NBAS: variants seen among roughly 807,000 people sequenced by gnomAD.
The protein encoded by NBAS is NBAS subunit of NRZ tethering complex, also known as NAG/BC035112 fusion.
A neutral mutation model predicts 302.5 loss-of-function variants in NBAS; 219 were observed. That is an observed-to-expected ratio of 0.72 (90% CI 0.65 to 0.81). The LOEUF (loss-of-function observed/expected upper bound fraction) is 0.81, where lower values mean the gene tolerates loss of function less well. Ranked by LOEUF, NBAS falls within the 30% of genes least tolerant of loss-of-function variation. NBAS has a pLI of 0.00. For synonymous variants in NBAS, 1,118 were observed against 1,021.6 expected (o/e 1.09, Z -1.80); for missense variants, 2,932 against 2,841.6 (o/e 1.03, Z -0.72).
intron 32 of NBAS, among the ~76,000 whole-genome samples, chr2:15,361,850 CA>C (rs1364196644): frequency 6.6e-6 from 1 of 150,966 alleles, no homozygotes; most frequent in East Asian, 2.0e-4. Flanking sequence ...TGTGGTGGCA[CA>C]TGCCTGTAAT....
chr2:15,011,905 A>T, the NBAS span, among the ~76,000 whole-genome samples: 1 of 152,188 alleles, frequency 6.6e-6, no homozygotes, highest in South Asian at 2.1e-4. Context: ...CCCAAGATCC[A>T]TCTATATGAA....
chr2:14,896,523 C>T, the NBAS span, among the ~76,000 whole-genome samples: 37 of 152,172 alleles, frequency 2.4e-4, no homozygotes, highest in Non-Finnish European at 4.3e-4. Flanking sequence ...ATCTGGAAGC[C>T]GATCCTAAGC....
chr2:15,299,650 G>A (rs939956201), intron 40 of NBAS, among the ~76,000 whole-genome samples: 2 of 152,110 alleles, frequency 1.3e-5, no homozygotes, highest in Non-Finnish European at 2.9e-5. Context: ...ACTAAAGGAC[G>A]TTTCCATTTT....
At chr2:14,910,708 T>C in the NBAS span, among the ~76,000 whole-genome samples, 1 of 152,216 alleles carries the variant, frequency 6.6e-6, no homozygotes, top group African/African-American at 2.4e-5. Flanking sequence ...AAGAACTTGA[T>C]TTATAGTGGC....
chr2:14,863,728 C>T, the NBAS span, among the ~76,000 whole-genome samples: 1 of 152,138 alleles, frequency 6.6e-6, no homozygotes. Context: ...TAGTCAGAAA[C>T]GAATTGGCTT....
chr2:14,937,036 C>T, the NBAS span, among the ~76,000 whole-genome samples: 1 of 152,124 alleles, frequency 6.6e-6, no homozygotes, highest in African/African-American at 2.4e-5. Flanking sequence ...AAGAAGCTAC[C>T]AGCTCAAGAC....
chr2:15,067,159 C>CA, the NBAS span, among the ~76,000 whole-genome samples: 226 of 93,316 alleles, frequency 2.4e-3, 10 homozygotes, highest in African/African-American at 7.5e-3. Flanking sequence ...CTTATCTCCA[C>CA]AAAAAAAAAA....
the NBAS span, among the ~76,000 whole-genome samples, chr2:14,878,050 T>C: frequency 6.6e-6 from 1 of 152,138 alleles, no homozygotes; most frequent in African/African-American, 2.4e-5. Context: ...CAGTTCACCA[T>C]GGGTAAAAGC....
chr2:15,067,046 G>A, the NBAS span, among the ~76,000 whole-genome samples: 13 of 151,222 alleles, frequency 8.6e-5, no homozygotes, highest in Non-Finnish European at 1.8e-4. Flanking sequence ...ATCCTGGTCA[G>A]GCATGCAGGT....
At chr2:14,859,923 C>T in the NBAS span, among the ~76,000 whole-genome samples, 11 of 151,946 alleles carry the variant, frequency 7.2e-5, no homozygotes, top group South Asian at 1.5e-3. Flanking sequence ...AATATATGAA[C>T]GGTCCCCATC....
At chr2:15,335,172 C>CT (rs921851866) in intron 35 of NBAS, among the ~76,000 whole-genome samples, 10 of 109,882 alleles carry the variant, frequency 9.1e-5, no homozygotes, top group African/African-American at 3.6e-4. Flanking sequence ...CCTCATCTCT[C>CT]TTAAAAAAAA....
chr2:15,383,303 C>T lies in NBAS; in HGVS notation c.3272G>A (p.Ser1091Asn). The T allele has an allele frequency of 1.2e-6, 2 of 1,613,854 alleles. No individual in the cohort carries two copies. Among genetic ancestry groups the T allele is most frequent in the Non-Finnish European group, 1.7e-6 (2 of 1,179,852 alleles). Residue 1091 changes from serine to asparagine, a missense_variant, in exon 29 of 52, where the codon AGT becomes AAT. Physicochemically the swap from Ser to Asn is conservative, Grantham distance 46. Transcript: ENST00000281513. ...RHTGRKQPPV[S>N]ESHWRTLLQD... ...CAGCAACGTTCTCCAATGAGACTCA[C>T]TGACAGGAGGCTGCCTGGAAAAACA...
intron 12 of NBAS, among the ~76,000 whole-genome samples, chr2:15,478,846 A>G (rs183627935): frequency 6.9e-4 from 105 of 152,328 alleles, no homozygotes; most frequent in African/African-American, 2.4e-3. Flanking sequence ...CTCTTCTTTG[A>G]GAATATAACA....
At chr2:15,527,802 A>T (rs1662991909) in intron 9 of NBAS, among the ~76,000 whole-genome samples, 1 of 152,210 alleles carries the variant, frequency 6.6e-6, no homozygotes, top group Non-Finnish European at 1.5e-5. Flanking sequence ...CTGTGGTACA[A>T]AAACAGTATA....
the NBAS span, among the ~76,000 whole-genome samples, chr2:14,848,905 C>A: frequency 6.7e-6 from 1 of 149,748 alleles, no homozygotes; most frequent in Admixed American, 6.6e-5. Context: ...GAAAGGACAT[C>A]CACACCGAAA....
chr2:15,018,140 G>A, the NBAS span, among the ~76,000 whole-genome samples: 3 of 152,010 alleles, frequency 2.0e-5, no homozygotes, highest in South Asian at 6.2e-4. Context: ...GACTGGGAAG[G>A]GTAGGGGGAA....
chr2:15,024,268 C>T, the NBAS span, among the ~76,000 whole-genome samples: 2 of 140,950 alleles, frequency 1.4e-5, no homozygotes, highest in African/African-American at 5.3e-5. Flanking sequence ...TGATGACCTC[C>T]AGTTCCATCA....
intron 45 of NBAS, among the ~76,000 whole-genome samples, chr2:15,235,390 T>A (rs1667547643): frequency 6.6e-6 from 1 of 152,178 alleles, no homozygotes; most frequent in African/African-American, 2.4e-5. Flanking sequence ...TTTGATAAGA[T>A]CTGTAAAAAC....
In NBAS at chr2:15,232,531, C is replaced by G; in HGVS notation, c.6147-20G>C. 1 of 1,605,082 alleles carries G rather than the reference C, an allele frequency of 6.2e-7. No homozygotes were observed. Among genetic ancestry groups the G allele is most frequent in the Non-Finnish European group, 8.5e-7 (1 of 1,173,268 alleles). On this transcript the variant is annotated intron_variant, in intron 46 of 51. Transcript: ENST00000281513. ...CCACCACTGTGAAAAGAGAGATAAA[C>G]TGATTCAGAAAAGGATCACTCAAGT...
Sources: gnomAD v4.1 joint callset for allele counts (sites outside exome capture counted in the v4.1 genomes callset) on GRCh38, gnomAD v4.1.1 for gene constraint, MANE v1.5 for transcripts, NCBI Gene and HGNC (gene_info 2026-07-23, HGNC 2026-07-21) for gene names.